CMTM7: variants seen among roughly 807,000 people sequenced by gnomAD.
CMTM7 encodes the protein CKLF-like MARVEL transmembrane domain-containing protein 7.
A neutral mutation model predicts 19.3 loss-of-function variants in CMTM7; 7 were observed. The observed-to-expected ratio is 0.36, with a 90% CI of 0.21 to 0.68. The LOEUF (loss-of-function observed/expected upper bound fraction) is 0.68, where lower values mean the gene tolerates loss of function less well. CMTM7 is among the 30% of genes least tolerant of loss of function. CMTM7 has a pLI of 0.60. For missense variants in CMTM7, 193 were observed against 232.6 expected (o/e 0.83, Z 1.11); for synonymous variants, 87 against 99.3 (o/e 0.88, Z 0.74).
chr3:32,432,962 A>T (rs1437164177), intron 1 of CMTM7, among the ~76,000 whole-genome samples: 1 of 152,146 alleles, frequency 6.6e-6, no homozygotes, highest in Non-Finnish European at 1.5e-5. Flanking sequence ...TTTCGCTCCC[A>T]TGCCTATCTA....
chr3:32,408,846 G>A (rs947893864), intron 1 of CMTM7, among the ~76,000 whole-genome samples: 4 of 128,244 alleles, frequency 3.1e-5, no homozygotes, highest in African/African-American at 1.1e-4. Context: ...GTTTGTAGAA[G>A]TATCAGATGA....
chr3:32,443,676 T>A (rs1163834839), intron 2 of CMTM7, among the ~76,000 whole-genome samples: 1 of 152,200 alleles, frequency 6.6e-6, no homozygotes, highest in Non-Finnish European at 1.5e-5. Context: ...TGTTTTACAT[T>A]CCCACCAGGA....
chr3:32,430,195 A>AC (rs578261679), intron 1 of CMTM7, among the ~76,000 whole-genome samples: 23 of 151,268 alleles, frequency 1.5e-4, no homozygotes, highest in South Asian at 4.2e-4. Flanking sequence ...CTTCTGTCAC[A>AC]CCCCCCCCAA....
chr3:32,437,136 A>G (rs1049550555), intron 1 of CMTM7, among the ~76,000 whole-genome samples: 1 of 152,146 alleles, frequency 6.6e-6, no homozygotes, highest in African/African-American at 2.4e-5. Flanking sequence ...CCAAAAAATC[A>G]TGTCTTCTTT....
rs1224305568 is a variant in CMTM7, at chr3:32,441,908, C to T, written c.228C>T (p.Tyr76=). Reference sequence around the variant, plus strand: ...GGACCAACTACAGCGCCTACAGCTACTTTGAAGTGGTCACCATTTGCGACT... The same window carrying T: ...GGACCAACTACAGCGCCTACAGCTATTTTGAAGTGGTCACCATTTGCGACT... ...SLWTNYSAYS[Y]FEVVTICDLI... is the part of the protein sequence containing the mutation. Residue 76 remains tyrosine (Y), a synonymous_variant, in exon 2 of 5, where the codon TAC becomes TAT. Transcript: ENST00000334983. 1 of 1,614,202 alleles carries T rather than the reference C, an allele frequency of 6.2e-7. No individual in the cohort carries two copies. Among genetic ancestry groups the T allele is most frequent in the East Asian group, 2.2e-5 (1 of 44,882 alleles).
Position 32,449,771 on chromosome 3 carries a change from A to G in CMTM7, c.432+219A>G, listed in dbSNP as rs1696803663. On this transcript the variant is annotated intron_variant, in intron 3 of 4. Coordinates refer to ENST00000334983, the MANE Select transcript of CMTM7 (RefSeq NM_138410.4). The surrounding 1 kb of genome is among the most constrained non-coding windows in gnomAD (Gnocchi z 4.5). ...GGCTGCCAGCAAATTCATAGACCCC[A>G]GCAGCCCAGGCCTCTCTCTCTTACA... 6.6e-6 allele frequency among the ~76,000 whole-genome samples: 1 copy of G among 152,146 alleles called. No individual in the cohort carries two copies. The highest frequency in any genetic ancestry group is 1.5e-5 in the Non-Finnish European group (1 of 68,032).
intron 3 of CMTM7, chr3:32,452,062 C>A (rs1252586677): frequency 7.3e-7 from 1 of 1,362,018 alleles, no homozygotes; most frequent in African/African-American, 1.5e-5. Context: ...CTCTTTTGGT[C>A]CAGGATAATC....
rs1185006227 is a variant in CMTM7 at position 32,449,985 on chromosome 3, C to A, written c.432+433C>A. The stretch of plus-strand genomic sequence containing the variant: ...GAGCTTTGCCATTCCTGATTTTTAA[C>A]AGTATTCAGGCCAGGAAATAATACT... On this transcript the variant is annotated intron_variant, in intron 3 of 4. Coordinates refer to ENST00000334983, the MANE Select transcript of CMTM7 (RefSeq NM_138410.4). The surrounding 1 kb of genome is among the most constrained non-coding windows in gnomAD (Gnocchi z 4.5). Among the ~76,000 whole-genome samples, 26 of 152,240 alleles carry A rather than the reference C, an allele frequency of 1.7e-4. No individual in the cohort carries two copies. Among genetic ancestry groups the A allele is most frequent in the Admixed American group, 1.6e-3 (25 of 15,302 alleles).
chr3:32,404,152 CTTTTTTTTTCTTTT>C (rs1696055274), intron 1 of CMTM7, among the ~76,000 whole-genome samples: 7 of 131,966 alleles, frequency 5.3e-5, no homozygotes, highest in Non-Finnish European at 4.8e-5. Flanking sequence ...CTTTTTTTTT[CTTTTTTTTTCTTTT>C]TTTTTTTTTT....
intron 1 of CMTM7, among the ~76,000 whole-genome samples, chr3:32,429,295 T>TG (rs1696478963): frequency 1.2e-5 from 1 of 82,588 alleles, no homozygotes; most frequent in Non-Finnish European, 2.8e-5. Context: ...TTGAGTAGTG[T>TG]ATTTTTTTTT....
chr3:32,447,340 C>T (rs986261304), intron 2 of CMTM7, among the ~76,000 whole-genome samples: 1 of 152,120 alleles, frequency 6.6e-6, no homozygotes, highest in Non-Finnish European at 1.5e-5. Context: ...CTATCCTGGA[C>T]AATGTTCTGT....
chr3:32,409,003 T>A (rs1312233658), intron 1 of CMTM7, among the ~76,000 whole-genome samples: 1 of 152,026 alleles, frequency 6.6e-6, no homozygotes, highest in African/African-American at 2.4e-5. Flanking sequence ...TTGCCTCACC[T>A]CCTGAGTAGC....
chr3:32,420,180 G>A (rs919149004), intron 1 of CMTM7, among the ~76,000 whole-genome samples: 5 of 152,198 alleles, frequency 3.3e-5, no homozygotes, highest in African/African-American at 1.2e-4. Context: ...CATGAGAGGA[G>A]GTATTGTTGA....
chr3:32,426,633 T>G (rs1359380013), intron 1 of CMTM7, among the ~76,000 whole-genome samples: 1 of 152,194 alleles, frequency 6.6e-6, no homozygotes, highest in Non-Finnish European at 1.5e-5. Context: ...TGTTAATGGC[T>G]ACATAGTATT....
At chr3:32,426,094 A>G (rs1240020857) in intron 1 of CMTM7, among the ~76,000 whole-genome samples, 2 of 152,186 alleles carry the variant, frequency 1.3e-5, no homozygotes, top group Admixed American at 6.5e-5. Flanking sequence ...GCGGTGAGCC[A>G]AGATCGCACC....
At chr3:32,411,814 C>T (rs1380932298) in intron 1 of CMTM7, among the ~76,000 whole-genome samples, 1 of 152,240 alleles carries the variant, frequency 6.6e-6, no homozygotes, top group Non-Finnish European at 1.5e-5. Flanking sequence ...CGCAGTGGCT[C>T]ACGCCTCTAA....
intron 1 of CMTM7, among the ~76,000 whole-genome samples, chr3:32,407,867 T>G (rs555992619): frequency 6.6e-6 from 1 of 152,284 alleles, no homozygotes; most frequent in South Asian, 2.1e-4. Flanking sequence ...TTACTGTAGT[T>G]TAAGGATAAA....
At chr3:32,441,009 G>A (rs1441180306) in intron 1 of CMTM7, among the ~76,000 whole-genome samples, 1 of 152,198 alleles carries the variant, frequency 6.6e-6, no homozygotes, top group East Asian at 1.9e-4. Flanking sequence ...CACTCGTGCT[G>A]AGATATTTCT....
Position 32,392,000 on chromosome 3 carries a change from T to G in CMTM7, c.94T>G (p.Leu32Val). Residue 32 changes from leucine (L) to valine (V), a missense_variant, in exon 1 of 5, where the codon TTG (leucine) becomes GTG (valine). Physicochemically the swap from Leu to Val is conservative, Grantham distance 32 (BLOSUM62 1). Coordinates refer to ENST00000334983, the MANE Select transcript of CMTM7 (RefSeq NM_138410.4). ...AGAAQPSASP[L>V]EGLLDLSYPR... ...CGCGGCCCAGCCCAGCGCGAGCCCC[T>G]TGGAGGGGCTGCTGGACCTCAGCTA... The G allele has an allele frequency of 8.1e-6, 10 of 1,233,690 alleles. No homozygotes were observed. Among genetic ancestry groups the G allele is most frequent in the Non-Finnish European group, 1.0e-5 (10 of 986,762 alleles). 76.4% of individuals were successfully genotyped at this position (1,233,690 alleles called of 1,614,324 possible).
Sources: allele counts gnomAD v4.1 joint callset (sites outside exome capture counted in the v4.1 genomes callset), GRCh38; gene constraint gnomAD v4.1.1; non-coding constraint Gnocchi (gnomAD v3.1); transcripts MANE v1.5; gene names NCBI Gene and HGNC (gene_info 2026-07-23, HGNC 2026-07-21).